Variants in RAB38 observed in about 807,000 individuals in gnomAD.
The protein encoded by RAB38 is ras-related protein Rab-38.
Under a neutral mutation model 18.4 loss-of-function variants are expected in RAB38, and 15 were observed. That is an observed-to-expected ratio of 0.82 (90% CI 0.55 to 1.26). The LOEUF is 1.26. Ranked by LOEUF, RAB38 falls within the 50% of genes most tolerant of loss-of-function variation. The pLI, the probability that RAB38 is intolerant of heterozygous loss-of-function variation, is 0.00. For missense variants in RAB38, 294 were observed against 267.4 expected (o/e 1.10, Z -0.69); for synonymous variants, 101 against 104.4 (o/e 0.97, Z 0.20).
At chr11:87,838,336 G>T in the RAB38 span, among the ~76,000 whole-genome samples, 5 of 152,012 alleles carry the variant, frequency 3.3e-5, no homozygotes, top group Non-Finnish European at 5.9e-5. Flanking sequence ...GGATGGTCTC[G>T]ATCTCCTGAC....
the RAB38 span, among the ~76,000 whole-genome samples, chr11:87,965,910 G>C: frequency 6.6e-6 from 1 of 152,130 alleles, no homozygotes; most frequent in Non-Finnish European, 1.5e-5. Flanking sequence ...TTTATAGAGG[G>C]AACTAAACAT....
the RAB38 span, among the ~76,000 whole-genome samples, chr11:88,053,474 T>TACACACATATATATGGAATATATATATAC: frequency 0.011 from 1,182 of 107,044 alleles, 222 homozygotes; most frequent in South Asian, 0.021. Flanking sequence ...TATATATATA[T>TACACACATATATATGGAATATATATATAC]ACACACATAT....
the RAB38 span, among the ~76,000 whole-genome samples, chr11:88,016,274 C>T: frequency 9.9e-5 from 15 of 152,148 alleles, no homozygotes; most frequent in African/African-American, 3.4e-4. Flanking sequence ...ATTACTTTAA[C>T]ATCCTGAACC....
chr11:88,020,837 C>T, the RAB38 span, among the ~76,000 whole-genome samples: 1 of 151,962 alleles, frequency 6.6e-6, no homozygotes, highest in African/African-American at 2.4e-5. Context: ...ACAATATGCT[C>T]CCAAACAACC....
At chr11:88,093,281 A>T in the RAB38 span, among the ~76,000 whole-genome samples, 3 of 151,996 alleles carry the variant, frequency 2.0e-5, no homozygotes, top group East Asian at 5.8e-4. Context: ...TGCAATAAAC[A>T]TTATATTTTG....
At chr11:87,905,560 C>T in the RAB38 span, among the ~76,000 whole-genome samples, 1 of 151,866 alleles carries the variant, frequency 6.6e-6, no homozygotes, top group Non-Finnish European at 1.5e-5. Context: ...TACATTTGGA[C>T]TAGAGTAGCC....
the RAB38 span, among the ~76,000 whole-genome samples, chr11:87,908,071 G>A: frequency 2.0e-5 from 3 of 151,728 alleles, no homozygotes; most frequent in East Asian, 1.9e-4. Flanking sequence ...ATTTTGTAAT[G>A]ATTAGTCTCG....
chr11:87,830,004 A>G, the RAB38 span, among the ~76,000 whole-genome samples: 2 of 152,166 alleles, frequency 1.3e-5, no homozygotes, highest in South Asian at 2.1e-4. Context: ...ATTTCTGTCA[A>G]TTGAATAGTC....
At chr11:88,040,070 C>A in the RAB38 span, among the ~76,000 whole-genome samples, 84 of 152,332 alleles carry the variant, frequency 5.5e-4, no homozygotes, top group Admixed American at 1.1e-3. Flanking sequence ...CCCAGGGGTT[C>A]TTAGACAATT....
chr11:88,092,193 G>A, the RAB38 span, among the ~76,000 whole-genome samples: 2 of 151,608 alleles, frequency 1.3e-5, no homozygotes, highest in Non-Finnish European at 2.9e-5. Flanking sequence ...GCAGAGTTGT[G>A]AGTAAAAAAC....
At chr11:87,927,100 A>T in the RAB38 span, among the ~76,000 whole-genome samples, 2 of 152,064 alleles carry the variant, frequency 1.3e-5, no homozygotes, top group Non-Finnish European at 2.9e-5. Flanking sequence ...GAATAACTGC[A>T]GGTGGTGACT....
the RAB38 span, among the ~76,000 whole-genome samples, chr11:88,024,424 T>A: frequency 6.6e-6 from 1 of 152,198 alleles, no homozygotes; most frequent in Non-Finnish European, 1.5e-5. Flanking sequence ...GAAACTCATA[T>A]ACTTCTGATA....
At chr11:88,016,003 T>C in the RAB38 span, among the ~76,000 whole-genome samples, 4 of 152,140 alleles carry the variant, frequency 2.6e-5, no homozygotes, top group Admixed American at 1.3e-4. Context: ...TGTCTTCAGC[T>C]AATATTTCGG....
At chr11:87,867,093 T>C in the RAB38 span, among the ~76,000 whole-genome samples, 1 of 151,784 alleles carries the variant, frequency 6.6e-6, no homozygotes. Context: ...CTTCTCTGGT[T>C]TGCATCCAGC....
chr11:87,881,826 C>G, the RAB38 span, among the ~76,000 whole-genome samples: 1 of 151,812 alleles, frequency 6.6e-6, no homozygotes, highest in Non-Finnish European at 1.5e-5. Context: ...AAAAGCACAA[C>G]AGAAAAACCT....
chr11:88,013,730 G>T, the RAB38 span, among the ~76,000 whole-genome samples: 1 of 152,080 alleles, frequency 6.6e-6, no homozygotes. Context: ...ACACCTTCTA[G>T]AGTTTATGGT....
the RAB38 span, among the ~76,000 whole-genome samples, chr11:87,819,051 G>A: frequency 1.3e-5 from 2 of 152,304 alleles, no homozygotes; most frequent in African/African-American, 4.8e-5. Context: ...AAGACCAGAC[G>A]ACTCTGATAG....
At chr11:88,033,593 C>T in the RAB38 span, among the ~76,000 whole-genome samples, 2 of 151,926 alleles carry the variant, frequency 1.3e-5, no homozygotes, top group Non-Finnish European at 2.9e-5. Context: ...AAGTAATCCA[C>T]CAATCTTAGT....
chr11:88,132,588 G>T (rs1352926679), intron 2 of RAB38, among the ~76,000 whole-genome samples: 1 of 152,152 alleles, frequency 6.6e-6, no homozygotes, highest in Non-Finnish European at 1.5e-5. Flanking sequence ...CTCACGAGTA[G>T]CTGGGATTAC....
Sources: gnomAD v4.1 joint callset for allele counts (sites outside exome capture counted in the v4.1 genomes callset) on GRCh38, gnomAD v4.1.1 for gene constraint, MANE v1.5 for transcripts, NCBI Gene and HGNC (gene_info 2026-07-23, HGNC 2026-07-21) for gene names.